NKIRAS1: variants seen among roughly 807,000 people sequenced by gnomAD.
NKIRAS1 encodes the protein NFKB inhibitor interacting Ras like 1.
NKIRAS1 carries 16 observed loss-of-function variants against 19.8 expected under a neutral mutation model. The ratio of observed to expected loss-of-function variants is 0.81; its 90% CI spans 0.55 to 1.23. The LOEUF (loss-of-function observed/expected upper bound fraction) is 1.23. Ranked by LOEUF, NKIRAS1 falls within the 50% of genes most tolerant of loss-of-function variation. NKIRAS1 has a pLI of 0.00. For missense variants in NKIRAS1, 184 were observed against 220.0 expected (o/e 0.84, Z 1.04); for synonymous variants, 88 against 79.0 (o/e 1.11, Z -0.61).
At chr3:23,945,030 G>A (rs1436295636) in intron 1 of NKIRAS1, among the ~76,000 whole-genome samples, 2 of 152,058 alleles carry the variant, frequency 1.3e-5, no homozygotes, top group Non-Finnish European at 2.9e-5. Context: ...AGAGGAGGAG[G>A]AGGGGAGGAA....
At chr3:23,938,105 A>G (rs1705429677) in intron 1 of NKIRAS1, among the ~76,000 whole-genome samples, 1 of 151,912 alleles carries the variant, frequency 6.6e-6, no homozygotes, top group Non-Finnish European at 1.5e-5. Flanking sequence ...TTCTTATCTG[A>G]CTTTCATTCC....
intron 4 of NKIRAS1, among the ~76,000 whole-genome samples, chr3:23,897,112 T>C (rs1467726068): frequency 6.6e-6 from 1 of 152,056 alleles, no homozygotes; most frequent in East Asian, 1.9e-4. Flanking sequence ...CTCAGGAGAC[T>C]GAGGCAGGAG....
In NKIRAS1 at chr3:23,943,296, G is replaced by C. The variant is rs757250701; in HGVS notation, c.-140+3027C>G. Among the ~76,000 whole-genome samples the C allele has an allele frequency of 6.6e-5, 10 of 152,084 alleles. No homozygotes were observed. In the South Asian group the frequency reaches 1.9e-3, roughly 28 times the overall value. Reference sequence around the variant, plus strand: ...TGCCCAGGCTGGAGTGCAATGGCGCGATCTCGGCTCACCGCAACTTCCGCC... The same window carrying C: ...TGCCCAGGCTGGAGTGCAATGGCGCCATCTCGGCTCACCGCAACTTCCGCC... On this transcript the variant is annotated intron_variant, in intron 1 of 4. Transcript: ENST00000421515.
rs779449989 is a variant in NKIRAS1 at position 23,946,066 on chromosome 3, C to A, written c.-140+257G>T. 832 of 982,570 alleles carry A rather than the reference C, an allele frequency of 8.5e-4. 4 individuals carry two copies. Among genetic ancestry groups the A allele is most frequent in the Non-Finnish European group, 7.1e-4 (590 of 827,634 alleles). The allele number at this position is 982,570 out of a possible 1,614,324, so 60.9% of individuals were successfully genotyped here. A position where few individuals can be genotyped will look rare whatever the true frequency, so the allele number is the denominator to read the frequency against. On this transcript the variant is annotated intron_variant, in intron 1 of 4. Transcript: ENST00000421515. Reference sequence around the variant, plus strand: ...GCGCGCTGGCTGGGAGCGCCGCAGCCTCCCGGGAGGCTCCGCCCCTTTGGA... The same window carrying A: ...GCGCGCTGGCTGGGAGCGCCGCAGCATCCCGGGAGGCTCCGCCCCTTTGGA...
upstream of NKIRAS1, chr3:23,919,189 A>G (rs368646822): frequency 4.3e-6 from 7 of 1,610,100 alleles, no homozygotes; most frequent in South Asian, 1.1e-5. Flanking sequence ...CTTTTTTCCT[A>G]TTCTAGGAGC....
chr3:23,897,017 G>A (rs772487732), intron 4 of NKIRAS1, among the ~76,000 whole-genome samples: 19 of 151,978 alleles, frequency 1.3e-4, no homozygotes, highest in Non-Finnish European at 1.8e-4. Context: ...GACCAGCCTG[G>A]GCAACAGAGC....
chr3:23,937,561 T>A (rs1705418239), intron 1 of NKIRAS1, among the ~76,000 whole-genome samples: 1 of 151,772 alleles, frequency 6.6e-6, no homozygotes, highest in Non-Finnish European at 1.5e-5. Flanking sequence ...TTGATGTTTT[T>A]TTTTTTCCCT....
rs143411644 is a variant in NKIRAS1 at position 23,926,663 on chromosome 3, C to T, written c.-139-15213G>A. On this transcript the variant is annotated intron_variant, in intron 1 of 4. Coordinates refer to the NKIRAS1 transcript ENST00000421515. The surrounding 1 kb of genome is among the most constrained non-coding windows in gnomAD (Gnocchi z 4.3). ...ATAATTACCACTTCCTTTGTCAGGG[C>T]GATTTTAGGTTTTTAGAAGTTTTTG... is the stretch of plus-strand genomic sequence containing the variant. Among the ~76,000 whole-genome samples, 12 of 152,092 alleles carry T rather than the reference C, an allele frequency of 7.9e-5. No homozygotes were observed. Among genetic ancestry groups the T allele is most frequent in the African/African-American group, 1.7e-4 (7 of 41,432 alleles).
chr3:23,898,824 C>T (rs1455431731), intron 4 of NKIRAS1, among the ~76,000 whole-genome samples: 2 of 152,120 alleles, frequency 1.3e-5, no homozygotes, highest in Non-Finnish European at 2.9e-5. Flanking sequence ...AGGAACCGGG[C>T]CACACAACAG....
At chr3:23,946,338 G>C (rs1705707353) in exon 1 of NKIRAS1, 1 of 977,588 alleles carries the variant, frequency 1.0e-6, no homozygotes, top group Non-Finnish European at 1.2e-6. Flanking sequence ...AGATTCCGAG[G>C]AGGAAGTGCA....
At chr3:23,905,929 C>G (rs1702998666) in intron 3 of NKIRAS1, among the ~76,000 whole-genome samples, 1 of 152,010 alleles carries the variant, frequency 6.6e-6, no homozygotes, top group Non-Finnish European at 1.5e-5. Flanking sequence ...GAGGCTGAGG[C>G]AGGCAGATTG....
At chr3:23,941,647 A>G (rs1352063406) in intron 1 of NKIRAS1, among the ~76,000 whole-genome samples, 1 of 152,164 alleles carries the variant, frequency 6.6e-6, no homozygotes, top group East Asian at 1.9e-4. Flanking sequence ...CACGCTGGGT[A>G]CTGCCCAACC....
At chr3:23,914,153 C>T (rs998946596) in intron 1 of NKIRAS1, among the ~76,000 whole-genome samples, 7 of 138,266 alleles carry the variant, frequency 5.1e-5, no homozygotes, top group African/African-American at 2.0e-4. Flanking sequence ...ATACAACCTC[C>T]TCTCTCCAAC....
At position 23,890,241 on chromosome 3, in the gene NKIRAS1, C is replaced by T. The variant is rs1336802997; in HGVS notation, c.*2854G>A. ...CTAACACATAAGAGTAAAGAAACTC[C>T]AATTGAGTGTTGTTTGTTGGGAGAA... On this transcript the variant is annotated 3_prime_UTR_variant, in exon 5 of 5. Coordinates refer to ENST00000425478, the MANE Select transcript of NKIRAS1 (RefSeq NM_020345.4). 6.6e-6 allele frequency among the ~76,000 whole-genome samples: 1 copy of T among 152,084 alleles called. No individual in the cohort carries two copies. The highest frequency in any genetic ancestry group is 1.5e-5 in the Non-Finnish European group (1 of 68,022).
chr3:23,899,298 G>C (rs1010108926), intron 4 of NKIRAS1, among the ~76,000 whole-genome samples: 1 of 152,156 alleles, frequency 6.6e-6, no homozygotes, highest in Non-Finnish European at 1.5e-5. Flanking sequence ...CTAGAGTTTT[G>C]AAGATGGTAC....
At chr3:23,913,731 C>A (rs887717719) in intron 1 of NKIRAS1, among the ~76,000 whole-genome samples, 2 of 152,114 alleles carry the variant, frequency 1.3e-5, no homozygotes, top group African/African-American at 4.8e-5. Flanking sequence ...TACACCAGTT[C>A]CTGCGAAATA....
At chr3:23,945,740 G>C (rs1705653842) in intron 1 of NKIRAS1, 1 of 550,952 alleles carries the variant, frequency 1.8e-6, no homozygotes, top group African/African-American at 2.0e-5. Context: ...CCTCTGGCTC[G>C]GTTCCCATCG....
intron 1 of NKIRAS1, among the ~76,000 whole-genome samples, chr3:23,932,688 CAAA>C (rs5847261): frequency 9.6e-5 from 7 of 72,906 alleles, no homozygotes; most frequent in East Asian, 4.9e-4. Flanking sequence ...AATTCCGTCT[CAAA>C]AAAAAAAAAA....
intron 4 of NKIRAS1, among the ~76,000 whole-genome samples, chr3:23,899,675 T>C (rs891438366): frequency 2.0e-5 from 3 of 152,194 alleles, no homozygotes; most frequent in Non-Finnish European, 4.4e-5. Flanking sequence ...CACTGGAGTA[T>C]AGTGAGAGAC....
Sources: gnomAD v4.1 joint callset for allele counts (sites outside exome capture counted in the v4.1 genomes callset) on GRCh38, gnomAD v4.1.1 for gene constraint, Gnocchi (gnomAD v3.1) non-coding constraint, MANE v1.5 for transcripts, NCBI Gene and HGNC (gene_info 2026-07-23, HGNC 2026-07-21) for gene names.